The following CDH7 variants were observed in gnomAD, a reference collection of about 807,000 sequenced individuals.
The protein encoded by CDH7 is cadherin-7.
A neutral mutation model predicts 71.8 loss-of-function variants in CDH7; 25 were observed. The observed-to-expected ratio is 0.35, with a 90% CI of 0.25 to 0.49. The LOEUF is 0.49. CDH7 is among the 20% of genes least tolerant of loss of function. The probability of loss-of-function intolerance (pLI) is 0.99; values close to 1 mark genes in which losing one functional copy is unlikely to be tolerated. For missense variants in CDH7, 862 were observed against 974.6 expected (o/e 0.88, Z 1.54); for synonymous variants, 381 against 363.8 (o/e 1.05, Z -0.54).
At chr18:65,768,833 GA>G (rs1310143077) in intron 2 of CDH7, among the ~76,000 whole-genome samples, 3 of 152,048 alleles carry the variant, frequency 2.0e-5, no homozygotes, top group Non-Finnish European at 2.9e-5. Flanking sequence ...CTGATTACCT[GA>G]AAGAAACACT....
At chr18:65,814,419 T>G in intron 3 of CDH7, 66 bp from the exon 4 acceptor site, 2 of 1,566,768 alleles carry the variant, frequency 1.3e-6, no homozygotes, top group Non-Finnish European at 1.8e-6. Flanking sequence ...CAGTAACATT[T>G]TGTACGTTTT....
At chr18:65,844,829 A>G (rs1002590243) in intron 7 of CDH7, among the ~76,000 whole-genome samples, 10 of 152,046 alleles carry the variant, frequency 6.6e-5, no homozygotes, top group African/African-American at 2.4e-4. Context: ...CTGTTGTATT[A>G]TATGTCTTAT....
rs1009384417 is a variant in CDH7 at position 65,886,605 on chromosome 18, A to G, written c.*5711A>G. 5 of 152,190 alleles carry G rather than the reference A, an allele frequency of 3.3e-5. No individual in the cohort carries two copies. The highest frequency in any genetic ancestry group is 1.2e-4 in the African/African-American group (5 of 41,452). 9.4% of individuals were successfully genotyped at this position (152,190 alleles called of 1,614,324 possible). ...CTCATTGATGAACACAAAACACCAGAATAGAGAAAAAGACAATAATGAGTA... is the reference window on the plus strand; with the variant it reads ...CTCATTGATGAACACAAAACACCAGGATAGAGAAAAAGACAATAATGAGTA... On this transcript the variant is annotated 3_prime_UTR_variant, in exon 12 of 12. Coordinates refer to ENST00000397968, the MANE Select transcript of CDH7 (RefSeq NM_004361.5).
intron 2 of CDH7, among the ~76,000 whole-genome samples, chr18:65,772,314 G>A (rs1434265550): frequency 6.6e-6 from 1 of 152,150 alleles, no homozygotes; most frequent in Non-Finnish European, 1.5e-5. Flanking sequence ...TCTTTGAAAT[G>A]AAGAAGAAAT....
Position 65,816,858 on chromosome 18 carries a change from A to G in CDH7, c.625+2254A>G, listed in dbSNP as rs188444541. ...TCACCACCTAATTTCATAATGTCCC[A>G]AATTTACTAGGAGATTATGGACATT... On this transcript the variant is annotated intron_variant, in intron 4 of 11. Coordinates refer to ENST00000397968, the MANE Select transcript of CDH7 (RefSeq NM_004361.5). Among the ~76,000 whole-genome samples the G allele has an allele frequency of 3.0e-3, 458 of 152,296 alleles. 6 individuals carry two copies. Among genetic ancestry groups the G allele is most frequent in the African/African-American group, 5.3e-3 (220 of 41,566 alleles).
chr18:65,783,001 G>A (rs2143838954), intron 2 of CDH7, among the ~76,000 whole-genome samples: 1 of 152,350 alleles, frequency 6.6e-6, no homozygotes, highest in East Asian at 1.9e-4. Context: ...CATGGAAGCA[G>A]AATGAGGATA....
intron 2 of CDH7, among the ~76,000 whole-genome samples, chr18:65,788,229 G>C (rs1194711231): frequency 6.6e-6 from 1 of 152,122 alleles, no homozygotes; most frequent in Non-Finnish European, 1.5e-5. Flanking sequence ...ATCCTGACTG[G>C]ATGTACCAAG....
intron 7 of CDH7, among the ~76,000 whole-genome samples, chr18:65,853,906 CATAT>C (rs4047846): frequency 0.031 from 1,028 of 33,366 alleles, 26 homozygotes; most frequent in East Asian, 0.069. Context: ...CATAAATTAC[CATAT>C]ATATATATAT....
chr18:65,836,451 T>G (rs114764602), intron 6 of CDH7, among the ~76,000 whole-genome samples: 6 of 152,294 alleles, frequency 3.9e-5, no homozygotes, highest in Non-Finnish European at 8.8e-5. Flanking sequence ...TTAACTTGTG[T>G]TACTAGATGA....
chr18:65,885,372 G>GGTT lies in CDH7; in HGVS notation c.*4478_*4479insGTT. On this transcript the variant is annotated 3_prime_UTR_variant, in exon 12 of 12. Coordinates refer to ENST00000397968, the MANE Select transcript of CDH7 (RefSeq NM_004361.5). Reference sequence around the variant, plus strand: ...GTAACTGAAAAGGATGTGTGCCTGTGTTTTTTTTTTTTTTTTTTTTTTTGA... The same window carrying GGTT: ...GTAACTGAAAAGGATGTGTGCCTGTGGTTTTTTTTTTTTTTTTTTTTTTTTTGA... 1.4e-5 allele frequency: 1 copy of GGTT among 69,446 alleles called. No homozygotes were observed. Among genetic ancestry groups the GGTT allele is most frequent in the African/African-American group, 5.2e-5 (1 of 19,204 alleles). The allele number at this position is 69,446 out of a possible 1,614,324, so 4.3% of individuals were successfully genotyped here. A position where few individuals can be genotyped will look rare whatever the true frequency, so the allele number is the denominator to read the frequency against.
At chr18:65,750,465 A>T (rs578076975), upstream of CDH7, 1 of 152,304 alleles carries the variant, frequency 6.6e-6, no homozygotes, top group African/African-American at 2.4e-5. Flanking sequence ...TCACGGAGAG[A>T]TGGATGGGCT....
chr18:65,762,437 CA>C (rs1316617963), intron 1 of CDH7, among the ~76,000 whole-genome samples: 1 of 152,066 alleles, frequency 6.6e-6, no homozygotes, highest in African/African-American at 2.4e-5. Flanking sequence ...AGTTCTGCAT[CA>C]GCTGTATTTA....
intron 7 of CDH7, among the ~76,000 whole-genome samples, chr18:65,849,354 C>CT (rs869127987): frequency 3.0e-4 from 3 of 9,930 alleles, no homozygotes; most frequent in African/African-American, 1.4e-3. Context: ...CTTTTCTTTT[C>CT]TTTTCTTTTC....
At chr18:65,811,966 C>CTTTTTTTT (rs57594274) in intron 3 of CDH7, among the ~76,000 whole-genome samples, 1,786 of 95,722 alleles carry the variant, frequency 0.019, 33 homozygotes, top group Non-Finnish European at 0.024. Context: ...CTTTTCTTTT[C>CTTTTTTTT]TTTTTTTTTT....
chr18:65,879,008 G>T (rs996267974), intron 11 of CDH7, among the ~76,000 whole-genome samples: 5 of 152,282 alleles, frequency 3.3e-5, no homozygotes, highest in Non-Finnish European at 7.4e-5. Flanking sequence ...TCACATTCCT[G>T]TTGATGATAA....
rs557302586 is a variant in CDH7, at chr18:65,760,093, A to G, written c.-196-2554A>G. On this transcript the variant is annotated intron_variant, in intron 1 of 11. Transcript: ENST00000397968. The stretch of plus-strand genomic sequence containing the variant: ...TTCCAATGAAAACTAACATCAACCC[A>G]TAAACTAATTTTAACATAGCCAGTT... Among the ~76,000 whole-genome samples the G allele has an allele frequency of 2.6e-4, 40 of 152,204 alleles. 1 individual carries two copies. The highest frequency in any genetic ancestry group is 7.3e-5 in the Non-Finnish European group (5 of 68,032).
intron 2 of CDH7, among the ~76,000 whole-genome samples, chr18:65,788,912 G>C (rs1356734505): frequency 6.6e-6 from 1 of 152,130 alleles, no homozygotes; most frequent in Non-Finnish European, 1.5e-5. Context: ...GGTTAAGGAA[G>C]TGTAAAAAAC....
intron 7 of CDH7, among the ~76,000 whole-genome samples, chr18:65,846,235 A>G (rs965702450): frequency 1.3e-5 from 2 of 152,140 alleles, no homozygotes; most frequent in Non-Finnish European, 2.9e-5. Context: ...TCTGAAGCAC[A>G]GAGGTCAAAG....
chr18:65,800,924 G>C (rs999547853), intron 2 of CDH7, among the ~76,000 whole-genome samples: 2 of 152,094 alleles, frequency 1.3e-5, no homozygotes, highest in African/African-American at 2.4e-5. Flanking sequence ...ACTCTTAGGA[G>C]CATCCTTTTT....
Sources: allele counts gnomAD v4.1 joint callset (sites outside exome capture counted in the v4.1 genomes callset), GRCh38; gene constraint gnomAD v4.1.1; transcripts MANE v1.5; gene names NCBI Gene and HGNC (gene_info 2026-07-23, HGNC 2026-07-21).